The following CADM1 variants were observed in gnomAD, a reference collection of about 807,000 sequenced individuals.
The protein encoded by CADM1 is cell adhesion molecule 1, also known as TSLC-1.
CADM1 carries 15 observed loss-of-function variants against 53.1 expected under a neutral mutation model. That is an observed-to-expected ratio of 0.28 (90% CI 0.19 to 0.44). The LOEUF (loss-of-function observed/expected upper bound fraction) is 0.44, where lower values mean the gene tolerates loss of function less well. Ranked by LOEUF, CADM1 falls within the 20% of genes least tolerant of loss-of-function variation. The probability of loss-of-function intolerance (pLI) is 1.00; values close to 1 mark genes in which losing one functional copy is unlikely to be tolerated. For missense variants in CADM1, 434 were observed against 611.3 expected, an observed-to-expected ratio of 0.71 and a Z score of 3.06; for synonymous variants, 281 against 243.0, an observed-to-expected ratio of 1.16 and a Z score of -1.45.
intron 1 of CADM1, among the ~76,000 whole-genome samples, chr11:115,361,890 T>TTTTTTGTTTTGTTTTG (rs1555072891): frequency 3.5e-5 from 3 of 86,906 alleles, no homozygotes; most frequent in Non-Finnish European, 5.4e-5. Flanking sequence ...CACACCCGAG[T>TTTTTTGTTTTGTTTTG]TTTTGTTTTG....
Position 115,200,542 on chromosome 11 carries a change from C to T in CADM1, c.1079-2104G>A, listed in dbSNP as rs568522211. ...TGGAGTTTCGCTCTTGTTGCCCAGG[C>T]TGGAGAGCAACGGCGTGATCTTGGC... On this transcript the variant is annotated intron_variant, in intron 8 of 11. Coordinates refer to ENST00000331581, the MANE Select transcript of CADM1 (RefSeq NM_001301043.2). Among the ~76,000 whole-genome samples, 5 of 152,202 alleles carry T rather than the reference C, an allele frequency of 3.3e-5. No homozygotes were observed. The East Asian group carries it at 9.6e-4, about 29-fold the overall frequency.
chr11:115,181,160 C>T (rs547897622), intron 10 of CADM1, among the ~76,000 whole-genome samples: 43 of 90,284 alleles, frequency 4.8e-4, no homozygotes, highest in African/African-American at 1.7e-3. Context: ...ATTCTGGAAG[C>T]CTGAGGGGGG....
chr11:115,233,588 GTT>G (rs1941903215), intron 3 of CADM1, among the ~76,000 whole-genome samples: 1 of 152,068 alleles, frequency 6.6e-6, no homozygotes, highest in African/African-American at 2.4e-5. Context: ...ACATGCTATT[GTT>G]AGATCAAATG....
At chr11:115,197,956 G>C (rs1484233098) in intron 9 of CADM1, among the ~76,000 whole-genome samples, 2 of 152,104 alleles carry the variant, frequency 1.3e-5, no homozygotes, top group African/African-American at 2.4e-5. Context: ...CTTCTTCCCT[G>C]GTCTACCCTT....
chr11:115,411,181 A>G (rs1207980639), intron 1 of CADM1, among the ~76,000 whole-genome samples: 2 of 152,236 alleles, frequency 1.3e-5, no homozygotes, highest in African/African-American at 4.8e-5. Flanking sequence ...TAATCAAGGA[A>G]AACTAGAGGA....
intron 1 of CADM1, among the ~76,000 whole-genome samples, chr11:115,466,534 C>G (rs1422614821): frequency 6.6e-6 from 1 of 152,120 alleles, no homozygotes; most frequent in Non-Finnish European, 1.5e-5. Context: ...AAAGAGAAAA[C>G]ATGGTGGAAA....
chr11:115,449,688 C>A (rs1591254603), intron 1 of CADM1, among the ~76,000 whole-genome samples: 1 of 152,088 alleles, frequency 6.6e-6, no homozygotes, highest in Non-Finnish European at 1.5e-5. Context: ...GTGCATTTCC[C>A]GACAATGCCA....
At chr11:115,335,291 G>C (rs913926891) in intron 1 of CADM1, among the ~76,000 whole-genome samples, 2 of 152,054 alleles carry the variant, frequency 1.3e-5, no homozygotes, top group East Asian at 1.9e-4. Context: ...ACATGTTTTT[G>C]TGAAAATAAC....
chr11:115,504,179 G>A, intron 1 of CADM1, 92 bp downstream of exon 1: 1 of 1,521,938 alleles, frequency 6.6e-7, no homozygotes, highest in South Asian at 1.2e-5. Context: ...AGTGGGGGGA[G>A]GTTGTCATGG....
At chr11:115,221,895 C>A (rs45460202) in intron 5 of CADM1, among the ~76,000 whole-genome samples, 1,534 of 152,258 alleles carry the variant, frequency 0.01, 9 homozygotes, top group Non-Finnish European at 0.016. Flanking sequence ...TCCCCACAAC[C>A]TTCCCTCTCT....
At position 115,176,169 on chromosome 11, in the gene CADM1, A is replaced by G; in HGVS notation, c.*305T>C. The G allele has an allele frequency of 1.7e-6, 2 of 1,186,102 alleles. No individual in the cohort carries two copies. The highest frequency in any genetic ancestry group is 1.1e-6 in the Non-Finnish European group (1 of 943,728). The allele number at this position is 1,186,102 out of a possible 1,614,324, so 73.5% of individuals were successfully genotyped here. On this transcript the variant is annotated 3_prime_UTR_variant, in exon 12 of 12. Coordinates refer to ENST00000331581, the MANE Select transcript of CADM1 (RefSeq NM_001301043.2). ...AAGAAAGGAACGCAACAAACAAACA[A>G]AAAACAAGGCACAGAATTTTCTGCA...
intron 1 of CADM1, among the ~76,000 whole-genome samples, chr11:115,349,825 G>A (rs185935390): frequency 2.6e-5 from 4 of 152,242 alleles, no homozygotes; most frequent in African/African-American, 9.6e-5. Flanking sequence ...AGGGATTAAT[G>A]ACTCATATTT....
chr11:115,426,677 C>A (rs2135283874), intron 1 of CADM1, among the ~76,000 whole-genome samples: 1 of 152,282 alleles, frequency 6.6e-6, no homozygotes, highest in South Asian at 2.1e-4. Context: ...ATCCATAATA[C>A]TCTCTTCTTC....
intron 1 of CADM1, among the ~76,000 whole-genome samples, chr11:115,384,592 AG>A (rs1946654415): frequency 1.3e-5 from 2 of 152,230 alleles, no homozygotes. Flanking sequence ...TCAAGTTTGA[AG>A]AACACAGGGA....
At chr11:115,326,161 G>A (rs1231620013) in intron 1 of CADM1, among the ~76,000 whole-genome samples, 1 of 152,124 alleles carries the variant, frequency 6.6e-6, no homozygotes, top group Non-Finnish European at 1.5e-5. Context: ...CAACGGAGCT[G>A]TTCTGTATAA....
intron 1 of CADM1, among the ~76,000 whole-genome samples, chr11:115,402,553 A>C (rs1947188090): frequency 6.6e-6 from 1 of 152,114 alleles, no homozygotes; most frequent in Admixed American, 6.6e-5. Context: ...CAAAACAAAA[A>C]AGCTTCTAAG....
At chr11:115,285,624 T>C (rs753819058) in intron 1 of CADM1, among the ~76,000 whole-genome samples, 26 of 152,240 alleles carry the variant, frequency 1.7e-4, no homozygotes, top group Non-Finnish European at 1.9e-4. Flanking sequence ...GTGACTGCTA[T>C]GTGTTTTCAT....
intron 10 of CADM1, among the ~76,000 whole-genome samples, chr11:115,189,265 A>G (rs1211901500): frequency 6.6e-5 from 10 of 152,210 alleles, no homozygotes; most frequent in Non-Finnish European, 1.5e-4. Context: ...GCTGAGGCCC[A>G]GAGTATTCCT....
chr11:115,314,171 TAGC>T (rs1944600543), intron 1 of CADM1, among the ~76,000 whole-genome samples: 4 of 151,998 alleles, frequency 2.6e-5, no homozygotes, highest in Admixed American at 2.6e-4. Flanking sequence ...ATGCTCGTAT[TAGC>T]AGAGGGAAAG....
Sources: gnomAD v4.1 joint callset for allele counts (sites outside exome capture counted in the v4.1 genomes callset) on GRCh38, gnomAD v4.1.1 for gene constraint, MANE v1.5 for transcripts, NCBI Gene and HGNC (gene_info 2026-07-23, HGNC 2026-07-21) for gene names.